The following TTC39B variants were observed in gnomAD, a reference collection of about 807,000 sequenced individuals.
TTC39B encodes tetratricopeptide repeat domain 39B, also known as tetratricopeptide repeat protein 39B.
TTC39B carries 92 observed loss-of-function variants against 96.6 expected under a neutral mutation model. The observed-to-expected ratio is 0.95, with a 90% CI of 0.80 to 1.13. TTC39B has a LOEUF of 1.13. Ranked by LOEUF, TTC39B falls within the 50% of genes most tolerant of loss-of-function variation. The pLI is 0.00. For missense variants in TTC39B, 955 were observed against 809.3 expected (o/e 1.18, Z -2.18); for synonymous variants, 367 against 299.4 (o/e 1.23, Z -2.33).
At chr9:15,183,370 A>G (rs1315345088) in intron 16 of TTC39B, 1 of 435,482 alleles carries the variant, frequency 2.3e-6, no homozygotes, top group Non-Finnish European at 4.5e-6. Flanking sequence ...ATCTTTTAAA[A>G]ATTCCTTTTA....
intron 7 of TTC39B, among the ~76,000 whole-genome samples, chr9:15,200,328 C>CCAGTAATGT (rs1196032519): frequency 6.6e-6 from 1 of 152,170 alleles, no homozygotes; most frequent in Non-Finnish European, 1.5e-5. Flanking sequence ...GTACATTACA[C>CCAGTAATGT]CCAGTAAATG....
At chr9:15,210,364 C>T (rs1327940702) in intron 5 of TTC39B, among the ~76,000 whole-genome samples, 200 bp from the exon 6 acceptor site, 1 of 152,240 alleles carries the variant, frequency 6.6e-6, no homozygotes, top group Non-Finnish European at 1.5e-5. Flanking sequence ...TGTGGGAACT[C>T]AGTCTGTGCT....
At chr9:15,170,732 C>T (rs1175353541) in exon 20 of TTC39B, 1 of 152,144 alleles carries the variant, frequency 6.6e-6, no homozygotes, top group African/African-American at 2.4e-5. Flanking sequence ...AAATAAGGCC[C>T]AGATTCATCA....
chr9:15,199,417 T>C (rs554894766), intron 8 of TTC39B, among the ~76,000 whole-genome samples: 3 of 152,152 alleles, frequency 2.0e-5, no homozygotes, highest in South Asian at 2.1e-4. Context: ...AAAAATTAAG[T>C]TCATTTTTAC....
At chr9:15,248,103 T>C (rs1248440972) in intron 2 of TTC39B, among the ~76,000 whole-genome samples, 3 of 152,362 alleles carry the variant, frequency 2.0e-5, no homozygotes, top group African/African-American at 7.2e-5. Flanking sequence ...TTACCATAGA[T>C]ACTGGGCCTG....
At chr9:15,164,491 T>C (rs1817483861) in exon 20 of TTC39B, 1 of 152,224 alleles carries the variant, frequency 6.6e-6, no homozygotes, top group Non-Finnish European at 1.5e-5. Context: ...GTTTATTTTG[T>C]ATGTTTTAAG....
chr9:15,207,933 G>T (rs1405395695), intron 6 of TTC39B, among the ~76,000 whole-genome samples: 1 of 139,060 alleles, frequency 7.2e-6, no homozygotes, highest in African/African-American at 2.8e-5. Context: ...GCAGTGAGCT[G>T]AGATCATGCC....
chr9:15,233,772 C>T (rs1285183258), intron 2 of TTC39B, among the ~76,000 whole-genome samples: 11 of 152,074 alleles, frequency 7.2e-5, no homozygotes, highest in Non-Finnish European at 1.5e-4. Context: ...TCTGCCCGGC[C>T]GCCACCCCGT....
At chr9:15,181,809 T>G (rs1171273721) in intron 17 of TTC39B, among the ~76,000 whole-genome samples, 1 of 152,170 alleles carries the variant, frequency 6.6e-6, no homozygotes, top group East Asian at 1.9e-4. Flanking sequence ...CTTCATCTTT[T>G]TTGTCATAGT....
intron 6 of TTC39B, among the ~76,000 whole-genome samples, chr9:15,206,197 A>C (rs1819844803): frequency 6.6e-6 from 1 of 152,074 alleles, no homozygotes; most frequent in African/African-American, 2.4e-5. Context: ...ATTGCATTTA[A>C]ATATCTGTTT....
intron 1 of TTC39B, among the ~76,000 whole-genome samples, chr9:15,275,547 A>C (rs1328490920): frequency 6.6e-6 from 1 of 152,228 alleles, no homozygotes; most frequent in Non-Finnish European, 1.5e-5. Context: ...AGCGCTAGTG[A>C]AACTGCAGCA....
intron 19 of TTC39B, 52 bp from the exon 20 acceptor site, chr9:15,172,161 G>A (rs1008885059): frequency 9.0e-6 from 11 of 1,228,994 alleles, no homozygotes; most frequent in Admixed American, 1.7e-5. Flanking sequence ...TATATACCAG[G>A]TACCACCACT....
chr9:15,234,337 G>A (rs1302915893), intron 2 of TTC39B, among the ~76,000 whole-genome samples: 4 of 146,532 alleles, frequency 2.7e-5, no homozygotes, highest in African/African-American at 7.6e-5. Context: ...CCAGCCAGCC[G>A]CCCCATCTGG....
intron 1 of TTC39B, among the ~76,000 whole-genome samples, chr9:15,278,702 TAC>T (rs1219039482): frequency 6.6e-6 from 1 of 152,242 alleles, no homozygotes; most frequent in Non-Finnish European, 1.5e-5. Context: ...AACAGAACTT[TAC>T]ACAGTTTCTT....
chr9:15,176,606 G>C (rs1206703396), intron 18 of TTC39B, among the ~76,000 whole-genome samples: 2 of 152,088 alleles, frequency 1.3e-5, no homozygotes, highest in Non-Finnish European at 2.9e-5. Context: ...CAAAAAATTT[G>C]AGCCAATATT....
At chr9:15,221,162 C>T (rs1820822177) in intron 3 of TTC39B, among the ~76,000 whole-genome samples, 1 of 152,128 alleles carries the variant, frequency 6.6e-6, no homozygotes, top group African/African-American at 2.4e-5. Flanking sequence ...ACACACATTG[C>T]CCCCTAACTT....
intron 1 of TTC39B, among the ~76,000 whole-genome samples, chr9:15,304,186 C>G (rs2131627708): frequency 6.6e-6 from 1 of 152,326 alleles, no homozygotes; most frequent in East Asian, 1.9e-4. Flanking sequence ...ACTTCAAGAT[C>G]AGGCAACTAG....
At chr9:15,213,823 T>C (rs1820345309) in intron 4 of TTC39B, among the ~76,000 whole-genome samples, 1 of 152,328 alleles carries the variant, frequency 6.6e-6, no homozygotes, top group East Asian at 1.9e-4. Context: ...TTCTCAATAA[T>C]ATTTAAAAGG....
intron 2 of TTC39B, among the ~76,000 whole-genome samples, chr9:15,260,852 G>A (rs115154228): frequency 0.014 from 2,176 of 152,248 alleles, 62 homozygotes; most frequent in African/African-American, 0.049. Flanking sequence ...CCTTCTACAG[G>A]TAAGTACAAA....
Sources: allele counts gnomAD v4.1 joint callset (sites outside exome capture counted in the v4.1 genomes callset), GRCh38; gene constraint gnomAD v4.1.1; transcripts MANE v1.5; gene names NCBI Gene and HGNC (gene_info 2026-07-23, HGNC 2026-07-21).